The following MFN1 variants were observed in gnomAD, a reference collection of about 807,000 sequenced individuals.
The protein encoded by MFN1 is mitofusin 1, also known as mitofusin-1.
A neutral mutation model predicts 92.4 loss-of-function variants in MFN1; 65 were observed. That is an observed-to-expected ratio of 0.70 (90% CI 0.58 to 0.86). The LOEUF (loss-of-function observed/expected upper bound fraction) is 0.86. MFN1 is among the 40% of genes least tolerant of loss of function. The pLI is 0.00. For synonymous variants in MFN1, 297 were observed against 300.9 expected, an observed-to-expected ratio of 0.99 and a Z score of 0.13; for missense variants, 781 against 868.0, an observed-to-expected ratio of 0.90 and a Z score of 1.26.
At chr3:179,378,525 C>A in intron 13 of MFN1, 60 bp from the exon 14 acceptor site, 1 of 1,527,214 alleles carries the variant, frequency 6.5e-7, no homozygotes, top group Non-Finnish European at 9.0e-7. Context: ...TTTAGGCATT[C>A]CATTGAAGGT....
intron 3 of MFN1, 126 bp from the exon 4 acceptor site, chr3:179,358,714 A>C (rs1467426906): frequency 2.2e-6 from 2 of 913,190 alleles, no homozygotes; most frequent in Non-Finnish European, 3.2e-6. Flanking sequence ...TAATCTTTTC[A>C]TAAAAATGCA....
At chr3:179,391,839 A>G in intron 17 of MFN1, 142 bp from the exon 18 acceptor site, 1 of 567,428 alleles carries the variant, frequency 1.8e-6, no homozygotes, top group Non-Finnish European at 3.2e-6. Context: ...AACTTAGGAT[A>G]TCCCGTGTAA....
At chr3:179,356,370 G>T (rs1241240032) in intron 3 of MFN1, among the ~76,000 whole-genome samples, 1 of 152,132 alleles carries the variant, frequency 6.6e-6, no homozygotes, top group Non-Finnish European at 1.5e-5. Flanking sequence ...ATGCTGAGAG[G>T]GCATGAATGC....
rs556993264 is a variant in MFN1 at position 179,389,975 on chromosome 3, T to C, written c.2013-29T>C. The C allele has an allele frequency of 9.5e-6, 15 of 1,584,270 alleles. No individual in the cohort carries two copies. The South Asian group carries it at 1.7e-4, about 18-fold the overall frequency. The stretch of plus-strand genomic sequence containing the variant: ...AAGCTTATTCATTTTTGAAGACATT[T>C]ATGACTGCTTCTAAATTTTTATTTT... On this transcript the variant is annotated intron_variant, in intron 16 of 17. Transcript: ENST00000471841.
At chr3:179,357,314 C>T (rs1712384640) in intron 3 of MFN1, among the ~76,000 whole-genome samples, 1 of 152,108 alleles carries the variant, frequency 6.6e-6, no homozygotes, top group African/African-American at 2.4e-5. Context: ...CTGTCCAGAC[C>T]CCGGCATGTA....
intron 9 of MFN1, among the ~76,000 whole-genome samples, chr3:179,369,509 T>C (rs1426653325): frequency 6.6e-6 from 1 of 152,224 alleles, no homozygotes; most frequent in Non-Finnish European, 1.5e-5. Flanking sequence ...AATGTTCTGT[T>C]ACACATTTAT....
chr3:179,365,781 T>C (rs1209669277), intron 7 of MFN1, among the ~76,000 whole-genome samples: 1 of 152,246 alleles, frequency 6.6e-6, no homozygotes, highest in African/African-American at 2.4e-5. Context: ...TAATACCTGC[T>C]CTTGCATCTG....
chr3:179,359,266 G>A (rs1398090603), intron 4 of MFN1, among the ~76,000 whole-genome samples: 14 of 151,634 alleles, frequency 9.2e-5, no homozygotes, highest in Admixed American at 9.2e-4. Flanking sequence ...GACTACAGGC[G>A]TGCGCCACCA....
chr3:179,365,857 G>A (rs989105157), intron 7 of MFN1, among the ~76,000 whole-genome samples: 1 of 152,190 alleles, frequency 6.6e-6, no homozygotes, highest in Non-Finnish European at 1.5e-5. Context: ...TAGTTGTATT[G>A]CATTCCCATT....
intron 13 of MFN1, 26 bp from the exon 14 acceptor site, chr3:179,378,559 A>G (rs1713342751): frequency 4.5e-6 from 7 of 1,570,476 alleles, no homozygotes; most frequent in Non-Finnish European, 6.1e-6. Flanking sequence ...TTCTTATCTT[A>G]AGTGTTGTAA....
intron 3 of MFN1, among the ~76,000 whole-genome samples, chr3:179,356,426 C>G (rs574523315): frequency 1.3e-5 from 2 of 152,276 alleles, no homozygotes; most frequent in African/African-American, 2.4e-5. Flanking sequence ...TATAATGAAC[C>G]AGTAAATGTA....
At position 179,392,215 on chromosome 3, in the gene MFN1, GT is replaced by G; in HGVS notation, c.*157del. ...GATTCTGGTAATGATCTGTCTCAGG[GT>G]ATGTGTATTTTTGAAGAGTGTTATG... On this transcript the variant is annotated 3_prime_UTR_variant, in exon 18 of 18. Coordinates refer to ENST00000471841, the MANE Select transcript of MFN1 (RefSeq NM_033540.3). 1 of 505,744 alleles carries G rather than the reference GT, an allele frequency of 2.0e-6. No individual in the cohort carries two copies. Among genetic ancestry groups the G allele is most frequent in the Non-Finnish European group, 3.5e-6 (1 of 282,002 alleles). The allele number at this position is 505,744 out of a possible 1,614,324, so 31.3% of individuals were successfully genotyped here.
chr3:179,378,141 G>T (rs988810466), intron 12 of MFN1, 200 bp from the exon 13 acceptor site: 1 of 544,022 alleles, frequency 1.8e-6, no homozygotes, highest in East Asian at 3.2e-5. Context: ...GGAGGATCGC[G>T]TGAGCCTAGG....
At position 179,393,162 on chromosome 3, in the gene MFN1, G is replaced by A. The variant is rs1307565933; in HGVS notation, c.*1103G>A. On this transcript the variant is annotated 3_prime_UTR_variant, in exon 18 of 18. Coordinates refer to ENST00000471841, the MANE Select transcript of MFN1 (RefSeq NM_033540.3). Reference sequence around the variant, plus strand: ...TTACAAAATTCTTCCTTGAGCTGGTGGAAATGCCTCACCAGTTTCCTCTTT... The same window carrying A: ...TTACAAAATTCTTCCTTGAGCTGGTAGAAATGCCTCACCAGTTTCCTCTTT... 1 of 151,992 alleles carries A rather than the reference G, an allele frequency of 6.6e-6. No homozygotes were observed. The highest frequency in any genetic ancestry group is 2.4e-5 in the African/African-American group (1 of 41,368). The allele number at this position is 151,992 out of a possible 1,614,324, so 9.4% of individuals were successfully genotyped here. A position where few individuals can be genotyped will look rare whatever the true frequency, so the allele number is the denominator to read the frequency against.
intron 9 of MFN1, among the ~76,000 whole-genome samples, chr3:179,373,072 C>G (rs1039180314): frequency 4.6e-5 from 7 of 152,094 alleles, no homozygotes; most frequent in African/African-American, 1.4e-4. Flanking sequence ...ATAAGTGATG[C>G]ATAAATGAGC....
intron 14 of MFN1, among the ~76,000 whole-genome samples, chr3:179,381,248 T>C (rs1291203628): frequency 3.9e-5 from 6 of 152,180 alleles, no homozygotes; most frequent in Non-Finnish European, 4.4e-5. Context: ...ACAAAAACCA[T>C]TGTTAAAGAG....
chr3:179,378,441 T>C lies in MFN1; in HGVS notation c.1430T>C (p.Ile477Thr), dbSNP rs764947507. ...GTGCTTCAGACCCAGCAAGAAATTA[T>C]TGGTAATATTTATGTCTACAAGGTC... is the stretch of plus-strand genomic sequence containing the variant. ...ALVLQTQQEIIENLKPLLPAG... is the reference protein window; with the variant it reads ...ALVLQTQQEITENLKPLLPAG... Residue 477 changes from isoleucine (I) to threonine (T), a missense_variant and splice_region_variant, in exon 13 of 18, where the codon ATT (isoleucine) becomes ACT (threonine). Ile to Thr is a moderately conservative substitution (Grantham distance 89). Transcript: ENST00000471841. 2.5e-6 allele frequency: 4 copies of C among 1,588,300 alleles called. No homozygotes were observed. Among genetic ancestry groups the C allele is most frequent in the Non-Finnish European group, 3.4e-6 (4 of 1,172,046 alleles).
At chr3:179,362,128 G>A (rs1712604272) in intron 4 of MFN1, among the ~76,000 whole-genome samples, 1 of 152,146 alleles carries the variant, frequency 6.6e-6, no homozygotes, top group Non-Finnish European at 1.5e-5. Flanking sequence ...CACAAAATCA[G>A]TATCAGGAGT....
intron 14 of MFN1, among the ~76,000 whole-genome samples, chr3:179,381,176 T>A (rs1265072182): frequency 1.3e-5 from 2 of 152,180 alleles, no homozygotes; most frequent in Non-Finnish European, 2.9e-5. Context: ...ATTGAAGCAC[T>A]AGAGCAGCAT....
Sources: allele counts gnomAD v4.1 joint callset (sites outside exome capture counted in the v4.1 genomes callset), GRCh38; gene constraint gnomAD v4.1.1; transcripts MANE v1.5; gene names NCBI Gene and HGNC (gene_info 2026-07-23, HGNC 2026-07-21).